Variants in PARD3B observed in about 807,000 individuals in gnomAD.
The protein encoded by PARD3B is par-3 family cell polarity regulator beta, also known as partitioning defective 3 homolog B.
PARD3B carries 103 observed loss-of-function variants against 130.2 expected under a neutral mutation model. That is an observed-to-expected ratio of 0.79 (90% confidence interval 0.67 to 0.93). The LOEUF (loss-of-function observed/expected upper bound fraction) is 0.93, where lower values mean the gene tolerates loss of function less well. Among genes scored for constraint, PARD3B ranks in the 40% least tolerant of loss-of-function variants. The pLI is 0.00. For synonymous variants in PARD3B, 583 were observed against 553.2 expected (o/e 1.05, Z -0.76); for missense variants, 1,609 against 1,499.2 (o/e 1.07, Z -1.21).
At chr2:205,227,204 A>G (rs557062062) in intron 15 of PARD3B, among the ~76,000 whole-genome samples, 70 of 152,226 alleles carry the variant, frequency 4.6e-4, no homozygotes, top group African/African-American at 1.2e-3. Flanking sequence ...CATTTGGTCT[A>G]TAATAGTGAG....
At chr2:205,196,791 G>C (rs2036704869) in intron 15 of PARD3B, among the ~76,000 whole-genome samples, 1 of 151,988 alleles carries the variant, frequency 6.6e-6, no homozygotes, top group African/African-American at 2.4e-5. Flanking sequence ...AGATGTGTGG[G>C]TTTCTAGACA....
chr2:204,546,702 C>T (rs553486016), intron 1 of PARD3B, among the ~76,000 whole-genome samples: 1 of 152,284 alleles, frequency 6.6e-6, no homozygotes, highest in African/African-American at 2.4e-5. Context: ...AACCTGTCTA[C>T]ATTTTGAGTG....
At chr2:204,873,512 A>G (rs1229645615) in intron 2 of PARD3B, among the ~76,000 whole-genome samples, 1 of 152,206 alleles carries the variant, frequency 6.6e-6, no homozygotes, top group African/African-American at 2.4e-5. Flanking sequence ...ATTTTGTGCC[A>G]GACACTCTTT....
intron 10 of PARD3B, among the ~76,000 whole-genome samples, chr2:205,156,271 CGG>C (rs11300867): frequency 4.0e-5 from 3 of 75,604 alleles, no homozygotes; most frequent in Admixed American, 1.5e-4. Context: ...GTGGGGTGGG[CGG>C]GGGGGGGAGG....
At chr2:204,577,991 A>C (rs2032357603) in intron 1 of PARD3B, among the ~76,000 whole-genome samples, 2 of 152,172 alleles carry the variant, frequency 1.3e-5, no homozygotes, top group African/African-American at 4.8e-5. Flanking sequence ...TTTGGTTATC[A>C]CAGCAAGTGA....
At chr2:204,679,699 T>C (rs2036730840) in intron 1 of PARD3B, among the ~76,000 whole-genome samples, 1 of 152,096 alleles carries the variant, frequency 6.6e-6, no homozygotes, top group African/African-American at 2.4e-5. Context: ...TAACTGGTTT[T>C]CTTTGTTTAG....
rs1353888785 is a variant in PARD3B, at chr2:205,562,577, C to A, written c.3260+9174C>A. The stretch of plus-strand genomic sequence containing the variant: ...GTAAGCTGACTTGCATGTTTTCCCT[C>A]CTGCACATATTAAAGGGAATTTTAG... On this transcript the variant is annotated intron_variant, in intron 22 of 22. Transcript: ENST00000406610. The surrounding 1 kb of genome is among the most constrained non-coding windows in gnomAD (Gnocchi z 5.4). Among the ~76,000 whole-genome samples, 2 of 152,186 alleles carry A rather than the reference C, an allele frequency of 1.3e-5. No individual in the cohort carries two copies. Among genetic ancestry groups the A allele is most frequent in the African/African-American group, 4.8e-5 (2 of 41,436 alleles).
At chr2:205,335,637 C>T (rs1192735652) in intron 18 of PARD3B, among the ~76,000 whole-genome samples, 1 of 95,830 alleles carries the variant, frequency 1.0e-5, no homozygotes, top group African/African-American at 2.6e-5. Flanking sequence ...ATACACAAGA[C>T]TGGGGAAAAA....
chr2:205,384,109 T>C (rs2045577747), intron 18 of PARD3B, among the ~76,000 whole-genome samples: 1 of 152,100 alleles, frequency 6.6e-6, no homozygotes, highest in South Asian at 2.1e-4. Context: ...CATTTTAACA[T>C]TCCAAGGAGG....
chr2:205,322,889 CTTTTTTTTTTTTTTTTTTTTTTTTTT>C (rs71032461), intron 18 of PARD3B, among the ~76,000 whole-genome samples: 7 of 51,468 alleles, frequency 1.4e-4, no homozygotes, highest in South Asian at 1.4e-3. Flanking sequence ...ATTAACACCT[CTTTTTTTTTTTTTTTTTTTTTTTTTT>C]TTTTTTTTTT....
At chr2:205,349,474 A>G (rs1230880298) in intron 18 of PARD3B, among the ~76,000 whole-genome samples, 1 of 152,138 alleles carries the variant, frequency 6.6e-6, no homozygotes, top group Non-Finnish European at 1.5e-5. Context: ...TTCATCAATA[A>G]TTTTTTTCAA....
Position 204,935,258 on chromosome 2 carries a change from A to G in PARD3B, c.223-29894A>G, listed in dbSNP as rs545611603. On this transcript the variant is annotated intron_variant, in intron 2 of 22. Coordinates refer to ENST00000406610, the MANE Select transcript of PARD3B (RefSeq NM_001302769.2). ...AGAATGCAAAAAATAGGCTGTGCGC[A>G]GTGGCTCACGCCTGTAATCCCAGCA... is the stretch of plus-strand genomic sequence containing the variant. 8.0e-4 allele frequency among the ~76,000 whole-genome samples: 121 copies of G among 151,158 alleles called. 2 individuals carry two copies. Among genetic ancestry groups the G allele is most frequent in the South Asian group, 3.7e-3 (18 of 4,800 alleles).
At chr2:204,655,791 T>C (rs2035618876) in intron 1 of PARD3B, among the ~76,000 whole-genome samples, 3 of 152,050 alleles carry the variant, frequency 2.0e-5, no homozygotes, top group African/African-American at 7.2e-5. Flanking sequence ...GTGATAATCA[T>C]TTATTGTTGC....
At chr2:204,980,313 A>G (rs1045469566) in intron 3 of PARD3B, among the ~76,000 whole-genome samples, 2 of 152,210 alleles carry the variant, frequency 1.3e-5, no homozygotes, top group African/African-American at 2.4e-5. Context: ...CAACATATAA[A>G]GTAAATTTGC....
chr2:204,682,236 G>A (rs1460667017), intron 1 of PARD3B, among the ~76,000 whole-genome samples: 1 of 152,036 alleles, frequency 6.6e-6, no homozygotes, highest in East Asian at 1.9e-4. Flanking sequence ...CTTGGTAATT[G>A]TGCTTTGTAT....
chr2:204,953,605 A>G (rs1042917260), intron 2 of PARD3B, among the ~76,000 whole-genome samples: 3 of 152,204 alleles, frequency 2.0e-5, no homozygotes, highest in African/African-American at 7.2e-5. Flanking sequence ...TTGCCCCTAC[A>G]CTTTTCTTTT....
At chr2:205,112,051 G>GTTCATATCCTCAAATATATAGAA (rs1386826973) in intron 5 of PARD3B, among the ~76,000 whole-genome samples, 5 of 151,990 alleles carry the variant, frequency 3.3e-5, no homozygotes, top group Admixed American at 6.6e-5. Flanking sequence ...ACATATGAGT[G>GTTCATATCCTCAAATATATAGAA]TTCATATCCT....
chr2:205,141,289 A>G (rs1213729736), intron 10 of PARD3B, among the ~76,000 whole-genome samples: 1 of 152,234 alleles, frequency 6.6e-6, no homozygotes, highest in Non-Finnish European at 1.5e-5. Flanking sequence ...GAAAAAATAA[A>G]AAAATAAAAG....
chr2:204,953,908 G>T (rs184642084), intron 2 of PARD3B, among the ~76,000 whole-genome samples: 2 of 152,056 alleles, frequency 1.3e-5, no homozygotes, highest in Non-Finnish European at 2.9e-5. Context: ...AAACTAACTC[G>T]CAAAGACTGT....
Sources: gnomAD v4.1 joint callset for allele counts (sites outside exome capture counted in the v4.1 genomes callset) on GRCh38, gnomAD v4.1.1 for gene constraint, Gnocchi (gnomAD v3.1) non-coding constraint, MANE v1.5 for transcripts, NCBI Gene and HGNC (gene_info 2026-07-23, HGNC 2026-07-21) for gene names.